CHRNA5: variants seen among roughly 807,000 people sequenced by gnomAD.
The protein encoded by CHRNA5 is neuronal acetylcholine receptor subunit alpha-5.
CHRNA5 carries 28 observed loss-of-function variants against 41.2 expected under a neutral mutation model. The ratio of observed to expected loss-of-function variants is 0.68; its 90% CI spans 0.50 to 0.93. The LOEUF (loss-of-function observed/expected upper bound fraction) is 0.93. Ranked by LOEUF, CHRNA5 falls within the 40% of genes least tolerant of loss-of-function variation. CHRNA5 has a pLI of 0.00. For missense variants in CHRNA5, 481 were observed against 581.9 expected (o/e 0.83, Z 1.78); for synonymous variants, 188 against 205.8 (o/e 0.91, Z 0.74).
intron 1 of CHRNA5, among the ~76,000 whole-genome samples, chr15:78,569,503 G>A (rs564037569): frequency 7.4e-5 from 11 of 147,792 alleles, no homozygotes; most frequent in Admixed American, 2.1e-4. Context: ...GTGCAATCTC[G>A]GCTCACTGCA....
intron 2 of CHRNA5, among the ~76,000 whole-genome samples, chr15:78,582,092 A>G (rs1015495063): frequency 2.0e-5 from 3 of 152,198 alleles, no homozygotes; most frequent in African/African-American, 4.8e-5. Flanking sequence ...TATGTCATCT[A>G]ATTGCTTCCA....
intron 1 of CHRNA5, among the ~76,000 whole-genome samples, chr15:78,580,355 C>T (rs1354443663): frequency 6.9e-6 from 1 of 144,830 alleles, no homozygotes; most frequent in Non-Finnish European, 1.5e-5. Flanking sequence ...ATGAGCTTTG[C>T]TTTAGTATAT....
At chr15:78,584,525 G>A (rs899539671) in intron 2 of CHRNA5, among the ~76,000 whole-genome samples, 1 of 152,168 alleles carries the variant, frequency 6.6e-6, no homozygotes, top group Non-Finnish European at 1.5e-5. Context: ...TAAATTAGGC[G>A]GTATCCCTTA....
intron 1 of CHRNA5, among the ~76,000 whole-genome samples, chr15:78,579,544 G>A (rs527523376): frequency 6.6e-6 from 1 of 152,076 alleles, no homozygotes; most frequent in South Asian, 2.1e-4. Flanking sequence ...GTGAGCCACC[G>A]CCTATTTATT....
chr15:78,589,579 A>T (rs1265570720), intron 4 of CHRNA5: 7 of 452,126 alleles, frequency 1.5e-5, no homozygotes, highest in Non-Finnish European at 2.3e-5. Context: ...TCAGTTCTGG[A>T]GTAGATGCAG....
Position 78,588,403 on chromosome 15 carries a change from AGACATC to A in CHRNA5, c.395_400del (p.Asp132_Ile133del). On this transcript the variant is annotated inframe_deletion, in exon 4 of 6. Coordinates refer to ENST00000299565, the Ensembl canonical transcript of CHRNA5. This position sits in a 1 kb window ranked among gnomAD's most constrained non-coding sequence, Gnocchi z 4.1. ...TTCCTTCAGACTCTGTCTGGACACC[AGACATC>A]GTTTTGTTTGATAAGTAAGTTATAT... 1 of 1,535,358 alleles carries A rather than the reference AGACATC, an allele frequency of 6.5e-7. No individual in the cohort carries two copies. The highest frequency in any genetic ancestry group is 8.8e-7 in the Non-Finnish European group (1 of 1,131,624).
chr15:78,585,902 C>T lies in CHRNA5; in HGVS notation c.259-743C>T, dbSNP rs779354769. On this transcript the variant is annotated intron_variant, in intron 2 of 5. Transcript: ENST00000299565. ...CGGGTTCAAGCAATTCTTGTGCCTC[C>T]GCCTCCTGAATAGCTGGGATTACAT... Among the ~76,000 whole-genome samples, 4 of 149,676 alleles carry T rather than the reference C, an allele frequency of 2.7e-5. No homozygotes were observed. The East Asian group carries it at 5.9e-4, about 22-fold the overall frequency.
chr15:78,594,812 A>G (rs1187215075), exon 6 of CHRNA5: 1 of 152,236 alleles, frequency 6.6e-6, no homozygotes, highest in South Asian at 2.1e-4. Flanking sequence ...AACAATTACA[A>G]TAATAGAATC....
chr15:78,591,031 T>G (rs1008036784), intron 5 of CHRNA5: 11 of 189,568 alleles, frequency 5.8e-5, no homozygotes, highest in South Asian at 1.1e-4. Context: ...TAAATTGTGA[T>G]AATCTGTAGG....
rs35117191 is a variant in CHRNA5, at chr15:78,588,884, AT to A, written c.413+474del. The stretch of plus-strand genomic sequence containing the variant: ...CATCCTACCTAGGTGTGTTTTGAGG[AT>A]TTTTTTTTTTTTAACTTAGGGGAGA... On this transcript the variant is annotated intron_variant, in intron 4 of 5. Transcript: ENST00000299565. This position sits in a 1 kb window ranked among gnomAD's most constrained non-coding sequence, Gnocchi z 4.1. Among the ~76,000 whole-genome samples the A allele has an allele frequency of 1.0e-3, 154 of 147,284 alleles. No individual in the cohort carries two copies. Among genetic ancestry groups the A allele is most frequent in the Middle Eastern group, 7.0e-3 (2 of 284 alleles).
At chr15:78,576,258 T>TA in intron 1 of CHRNA5, among the ~76,000 whole-genome samples, 1 of 152,208 alleles carries the variant, frequency 6.6e-6, no homozygotes, top group Non-Finnish European at 1.5e-5. Context: ...TAGATCCTCC[T>TA]ACCTCAGCCT....
intron 1 of CHRNA5, among the ~76,000 whole-genome samples, chr15:78,576,571 CAA>C (rs1444608190): frequency 1.3e-5 from 2 of 152,120 alleles, no homozygotes; most frequent in East Asian, 3.9e-4. Flanking sequence ...TGCTTGAGCC[CAA>C]GAGTTCAAGA....
chr15:78,570,494 T>A (rs1328093974), intron 1 of CHRNA5, among the ~76,000 whole-genome samples: 1 of 141,508 alleles, frequency 7.1e-6, no homozygotes, highest in Non-Finnish European at 1.5e-5. Flanking sequence ...GGTCTTGAAC[T>A]CCTGGCCTCG....
At chr15:78,568,485 C>G (rs910546017) in intron 1 of CHRNA5, among the ~76,000 whole-genome samples, 4 of 149,458 alleles carry the variant, frequency 2.7e-5, no homozygotes, top group Non-Finnish European at 5.9e-5. Context: ...TAAAATATTA[C>G]TTTAAGTTCT....
exon 6 of CHRNA5, chr15:78,593,443 G>A (rs2053045082): frequency 2.1e-6 from 1 of 466,636 alleles, no homozygotes; most frequent in Non-Finnish European, 3.6e-6. Context: ...AATAACTGAT[G>A]AGATACATTT....
intron 1 of CHRNA5, among the ~76,000 whole-genome samples, chr15:78,570,438 TTTTTTTTTTTTA>T (rs1294126668): frequency 7.1e-6 from 1 of 139,930 alleles, no homozygotes; most frequent in Non-Finnish European, 1.5e-5. Context: ...TTTTTTTTTT[TTTTTTTTTTTTA>T]GTAAAGACAG....
At chr15:78,579,040 C>CTTTTT (rs34178407) in intron 1 of CHRNA5, among the ~76,000 whole-genome samples, 1 of 141,220 alleles carries the variant, frequency 7.1e-6, no homozygotes, top group African/African-American at 2.6e-5. Flanking sequence ...TATATTTTGA[C>CTTTTT]TTTTTTTTTT....
chr15:78,575,334 C>A (rs191972546), intron 1 of CHRNA5, among the ~76,000 whole-genome samples: 11 of 152,226 alleles, frequency 7.2e-5, no homozygotes, highest in Admixed American at 4.6e-4. Context: ...TAGTTTTTCT[C>A]TTAGCAGCTG....
exon 6 of CHRNA5, chr15:78,595,204 T>TCCCTG: frequency 1.3e-6 from 1 of 795,694 alleles, no homozygotes; most frequent in East Asian, 1.3e-4. Context: ...TTCGTATACA[T>TCCCTG]CCCTGATCCC....
Sources: allele counts gnomAD v4.1 joint callset (sites outside exome capture counted in the v4.1 genomes callset), GRCh38; gene constraint gnomAD v4.1.1; non-coding constraint Gnocchi (gnomAD v3.1); transcripts MANE v1.5; gene names NCBI Gene and HGNC (gene_info 2026-07-23, HGNC 2026-07-21).